Variants in SAMMSON observed in about 807,000 individuals in gnomAD.
SAMMSON encodes survival associated mitochondrial melanoma specific oncogenic non-coding RNA.
At chr3:70,308,664 A>G (rs1394287423) in intron 7 of SAMMSON, among the ~76,000 whole-genome samples, 9 of 152,062 alleles carry the variant, frequency 5.9e-5, no homozygotes. Context: ...AGTGCAGGAG[A>G]GTATTTCTTT....
chr3:70,202,566 C>T (rs146703559), intron 4 of SAMMSON, among the ~76,000 whole-genome samples: 2 of 152,292 alleles, frequency 1.3e-5, no homozygotes, highest in East Asian at 3.9e-4. Flanking sequence ...CTAATCACTG[C>T]TATTGAAGTG....
At chr3:70,424,458 A>G (rs1701338532) in intron 2 of SAMMSON, among the ~76,000 whole-genome samples, 1 of 152,184 alleles carries the variant, frequency 6.6e-6, no homozygotes, top group Admixed American at 6.5e-5. Flanking sequence ...AAAAACAACA[A>G]ATGTACTAAA....
intron 7 of SAMMSON, among the ~76,000 whole-genome samples, chr3:70,319,873 C>T (rs1340389899): frequency 6.6e-6 from 1 of 151,880 alleles, no homozygotes; most frequent in Non-Finnish European, 1.5e-5. Context: ...TCAGTTAATC[C>T]TGGAAAAAAT....
intron 3 of SAMMSON, among the ~76,000 whole-genome samples, chr3:70,020,058 T>G (rs75980880): frequency 5.2e-4 from 79 of 152,238 alleles, no homozygotes; most frequent in African/African-American, 1.9e-3. Flanking sequence ...GCCTTAAAGG[T>G]AGAGTTAAAA....
intron 4 of SAMMSON, among the ~76,000 whole-genome samples, chr3:70,157,599 C>T (rs761229421): frequency 6.6e-6 from 1 of 151,946 alleles, no homozygotes; most frequent in Non-Finnish European, 1.5e-5. Context: ...ATACAATTGC[C>T]AGATTAAGAA....
At chr3:70,321,585 G>C (rs372193029) in intron 7 of SAMMSON, among the ~76,000 whole-genome samples, 1 of 151,632 alleles carries the variant, frequency 6.6e-6, no homozygotes, top group East Asian at 1.9e-4. Flanking sequence ...TATGGTTTTC[G>C]TATTTTCAAA....
At chr3:70,368,377 GCA>G (rs1265872863) in intron 9 of SAMMSON, among the ~76,000 whole-genome samples, 1 of 151,546 alleles carries the variant, frequency 6.6e-6, no homozygotes. Flanking sequence ...AAGTTAAAAT[GCA>G]CAGAGAAAGA....
chr3:70,413,354 C>A (rs1160285883), intron 2 of SAMMSON, among the ~76,000 whole-genome samples: 1 of 152,062 alleles, frequency 6.6e-6, no homozygotes, highest in East Asian at 1.9e-4. Flanking sequence ...TTTAGTTCCA[C>A]ATAAAAAATT....
chr3:70,314,258 T>G (rs1253087485), intron 7 of SAMMSON, among the ~76,000 whole-genome samples: 1 of 152,172 alleles, frequency 6.6e-6, no homozygotes, highest in Admixed American at 6.6e-5. Flanking sequence ...GCCCACAAAT[T>G]AATAATCATT....
chr3:70,247,494 G>C (rs1445907069), intron 4 of SAMMSON, among the ~76,000 whole-genome samples: 2 of 151,530 alleles, frequency 1.3e-5, no homozygotes, highest in African/African-American at 4.8e-5. Context: ...ATATGAATTA[G>C]TTGAAAATTT....
At chr3:70,241,823 A>C (rs1225469828) in intron 4 of SAMMSON, among the ~76,000 whole-genome samples, 1 of 152,222 alleles carries the variant, frequency 6.6e-6, no homozygotes, top group African/African-American at 2.4e-5. Context: ...GGAGAAACTG[A>C]AACTCTGATG....
chr3:70,330,343 C>T (rs1273747127), intron 7 of SAMMSON, among the ~76,000 whole-genome samples: 1 of 151,912 alleles, frequency 6.6e-6, no homozygotes, highest in Non-Finnish European at 1.5e-5. Flanking sequence ...ACTTTGAGAA[C>T]ATATCAGTAA....
chr3:70,044,650 T>C (rs1296291201), intron 3 of SAMMSON, among the ~76,000 whole-genome samples: 4 of 151,642 alleles, frequency 2.6e-5, no homozygotes, highest in Non-Finnish European at 5.9e-5. Flanking sequence ...GACTAAGGAG[T>C]AGAAATTTTC....
intron 3 of SAMMSON, among the ~76,000 whole-genome samples, chr3:70,047,601 C>T (rs923329314): frequency 1.3e-5 from 2 of 151,806 alleles, no homozygotes; most frequent in South Asian, 2.1e-4. Flanking sequence ...CTCAAAGTGC[C>T]GGGATTATAG....
chr3:70,181,805 C>T (rs1701055127), intron 4 of SAMMSON, among the ~76,000 whole-genome samples: 1 of 152,160 alleles, frequency 6.6e-6, no homozygotes, highest in Non-Finnish European at 1.5e-5. Flanking sequence ...GGGTGTTCTT[C>T]CTTTAAGAAA....
chr3:70,218,589 A>C (rs1576159289), intron 4 of SAMMSON, among the ~76,000 whole-genome samples: 1 of 152,190 alleles, frequency 6.6e-6, no homozygotes, highest in Middle Eastern at 3.4e-3. Context: ...TTTTCCTCAG[A>C]GTTTCTATAG....
intron 7 of SAMMSON, among the ~76,000 whole-genome samples, chr3:70,344,118 A>G (rs1165458141): frequency 6.6e-6 from 1 of 152,010 alleles, no homozygotes; most frequent in Non-Finnish European, 1.5e-5. Flanking sequence ...ATTAACCACC[A>G]AAGACCCCAC....
intron 6 of SAMMSON, among the ~76,000 whole-genome samples, chr3:70,290,299 G>C (rs1286673077): frequency 6.6e-6 from 1 of 152,052 alleles, no homozygotes; most frequent in African/African-American, 2.4e-5. Flanking sequence ...TGAGCTGCAG[G>C]TCTGTTGGAG....
At chr3:70,405,415 A>G (rs1296429545) in intron 2 of SAMMSON, among the ~76,000 whole-genome samples, 2 of 152,234 alleles carry the variant, frequency 1.3e-5, no homozygotes, top group Non-Finnish European at 2.9e-5. Flanking sequence ...AAGCAGGAAA[A>G]TGTGACCCAT....
Sources: allele counts gnomAD v4.1 joint callset (sites outside exome capture counted in the v4.1 genomes callset), GRCh38; gene constraint gnomAD v4.1.1; transcripts MANE v1.5; gene names NCBI Gene and HGNC (gene_info 2026-07-23, HGNC 2026-07-21).